The following ZNF804A variants were observed in gnomAD, a reference collection of about 807,000 sequenced individuals.
The protein encoded by ZNF804A is zinc finger protein 804A.
Under a neutral mutation model 16.5 loss-of-function variants are expected in ZNF804A, and 2 were observed. That is an observed-to-expected ratio of 0.12 (90% CI 0.05 to 0.38). The LOEUF (loss-of-function observed/expected upper bound fraction) is 0.38. Among genes scored for constraint, ZNF804A ranks in the 10% least tolerant of loss-of-function variants. ZNF804A has a pLI of 0.99. For missense variants in ZNF804A, 1,473 were observed against 1,390.7 expected, an observed-to-expected ratio of 1.06 and a Z score of -0.94; for synonymous variants, 534 against 489.6, an observed-to-expected ratio of 1.09 and a Z score of -1.20.
At chr2:184,658,602 G>A (rs1692118829) in intron 1 of ZNF804A, among the ~76,000 whole-genome samples, 1 of 152,172 alleles carries the variant, frequency 6.6e-6, no homozygotes, top group South Asian at 2.1e-4. Flanking sequence ...ATGAGAACTG[G>A]GGATGGTTGG....
At chr2:184,718,990 T>C (rs1693256551) in intron 1 of ZNF804A, among the ~76,000 whole-genome samples, 1 of 152,208 alleles carries the variant, frequency 6.6e-6, no homozygotes, top group South Asian at 2.1e-4. Flanking sequence ...ACTGCCCTAG[T>C]AGAGGTTCTC....
rs143026871 is a variant in ZNF804A, at chr2:184,922,781, G to A, written c.256-10822G>A. Among the ~76,000 whole-genome samples, 392 of 152,182 alleles carry A rather than the reference G, an allele frequency of 2.6e-3. 1 individual carries two copies. Among genetic ancestry groups the A allele is most frequent in the South Asian group, 5.0e-3 (24 of 4,828 alleles). The stretch of plus-strand genomic sequence containing the variant: ...GTCTAATTTCTTTCTTCTGCATATG[G>A]ATACCTAGTTTTCTCAGTGCAATTT... On this transcript the variant is annotated intron_variant, in intron 2 of 3. Transcript: ENST00000302277.
intron 1 of ZNF804A, among the ~76,000 whole-genome samples, chr2:184,802,722 C>T (rs1406017789): frequency 6.6e-6 from 1 of 152,190 alleles, no homozygotes; most frequent in Non-Finnish European, 1.5e-5. Flanking sequence ...GGAATAGTAT[C>T]TTCCAAACCC....
At position 184,763,731 on chromosome 2, in the gene ZNF804A, C is replaced by T. The variant is rs377515538; in HGVS notation, c.112-102638C>T. Among the ~76,000 whole-genome samples the T allele has an allele frequency of 2.3e-3, 351 of 149,428 alleles. 2 individuals are homozygous for T. Among genetic ancestry groups the T allele is most frequent in the African/African-American group, 7.8e-3 (314 of 40,460 alleles). Reference sequence around the variant, plus strand: ...GATCTTGGCTCACTGCAAGCTCCACCTCCCGGGTTCATGCCATTCTCCTGC... The same window carrying T: ...GATCTTGGCTCACTGCAAGCTCCACTTCCCGGGTTCATGCCATTCTCCTGC... On this transcript the variant is annotated intron_variant, in intron 1 of 3. Coordinates refer to ENST00000302277, the MANE Select transcript of ZNF804A (RefSeq NM_194250.2).
intron 1 of ZNF804A, among the ~76,000 whole-genome samples, chr2:184,607,936 CTTTTTTTTTTT>C (rs34262998): frequency 4.6e-5 from 3 of 65,656 alleles, no homozygotes. Flanking sequence ...TGATGCATCT[CTTTTTTTTTTT>C]TTTTTTTTTT....
At chr2:184,863,672 G>A (rs1265078732) in intron 1 of ZNF804A, among the ~76,000 whole-genome samples, 1 of 152,092 alleles carries the variant, frequency 6.6e-6, no homozygotes, top group Non-Finnish European at 1.5e-5. Context: ...TGAAATTTCT[G>A]TTGGTTTAAG....
chr2:184,664,999 G>A (rs925183480), intron 1 of ZNF804A, among the ~76,000 whole-genome samples: 2 of 152,164 alleles, frequency 1.3e-5, no homozygotes, highest in East Asian at 1.9e-4. Flanking sequence ...TTTTTAAGAA[G>A]CACACCCTGA....
intron 2 of ZNF804A, among the ~76,000 whole-genome samples, chr2:184,921,502 G>C (rs1685528550): frequency 6.6e-6 from 1 of 151,824 alleles, no homozygotes; most frequent in Admixed American, 6.6e-5. Context: ...TTTTATTTTT[G>C]GTGGATACGT....
At chr2:184,799,022 G>A (rs1694681331) in intron 1 of ZNF804A, among the ~76,000 whole-genome samples, 1 of 152,044 alleles carries the variant, frequency 6.6e-6, no homozygotes, top group Non-Finnish European at 1.5e-5. Flanking sequence ...TAGCCACTCA[G>A]CAAGTCTCTC....
At chr2:184,903,929 T>C (rs1360789931) in intron 2 of ZNF804A, among the ~76,000 whole-genome samples, 1 of 152,052 alleles carries the variant, frequency 6.6e-6, no homozygotes, top group African/African-American at 2.4e-5. Flanking sequence ...ATAATTAAAA[T>C]TGCCTCTGTT....
chr2:184,652,986 T>C (rs1692013622), intron 1 of ZNF804A, among the ~76,000 whole-genome samples: 1 of 151,864 alleles, frequency 6.6e-6, no homozygotes, highest in Non-Finnish European at 1.5e-5. Flanking sequence ...GAACTGTGAG[T>C]CAATTAAACC....
At chr2:184,693,384 T>C (rs567311437) in intron 1 of ZNF804A, among the ~76,000 whole-genome samples, 1 of 152,214 alleles carries the variant, frequency 6.6e-6, no homozygotes, top group Non-Finnish European at 1.5e-5. Context: ...CAAATATTAA[T>C]AATATAATTC....
At chr2:184,605,181 C>T (rs1159888781) in intron 1 of ZNF804A, among the ~76,000 whole-genome samples, 1 of 151,904 alleles carries the variant, frequency 6.6e-6, no homozygotes, top group Non-Finnish European at 1.5e-5. Context: ...TGAGATAGTA[C>T]TGTTGAAGCG....
intron 1 of ZNF804A, among the ~76,000 whole-genome samples, chr2:184,755,882 G>T (rs1693951844): frequency 6.6e-6 from 1 of 151,860 alleles, no homozygotes; most frequent in African/African-American, 2.4e-5. Context: ...TCCCAGAAGA[G>T]GAGAGAATAT....
chr2:184,639,143 G>A (rs975604951), intron 1 of ZNF804A, among the ~76,000 whole-genome samples: 4 of 141,300 alleles, frequency 2.8e-5, no homozygotes, highest in African/African-American at 8.1e-5. Flanking sequence ...GCGTGCTCTC[G>A]GCTCACTGCA....
At chr2:184,803,858 CTT>C (rs1043170929) in intron 1 of ZNF804A, among the ~76,000 whole-genome samples, 1 of 142,968 alleles carries the variant, frequency 7.0e-6, no homozygotes, top group African/African-American at 2.6e-5. Context: ...TCTTTTCTGT[CTT>C]TTTTTTTGGG....
chr2:184,764,636 A>G (rs1470338707), intron 1 of ZNF804A, among the ~76,000 whole-genome samples: 1 of 152,158 alleles, frequency 6.6e-6, no homozygotes, highest in Non-Finnish European at 1.5e-5. Flanking sequence ...ACAAAACAAC[A>G]ATTTATACAG....
intron 1 of ZNF804A, among the ~76,000 whole-genome samples, chr2:184,829,725 C>A (rs942934112): frequency 2.8e-4 from 42 of 151,392 alleles, no homozygotes; most frequent in African/African-American, 8.2e-4. Context: ...TTTCTCTTAA[C>A]CTTTTCACTG....
chr2:184,603,334 A>G (rs1691080555), intron 1 of ZNF804A, among the ~76,000 whole-genome samples: 1 of 152,154 alleles, frequency 6.6e-6, no homozygotes, highest in Admixed American at 6.5e-5. Context: ...ACATGTTTGT[A>G]GGTTTCTTGT....
Sources: allele counts gnomAD v4.1 joint callset (sites outside exome capture counted in the v4.1 genomes callset), GRCh38; gene constraint gnomAD v4.1.1; transcripts MANE v1.5; gene names NCBI Gene and HGNC (gene_info 2026-07-23, HGNC 2026-07-21).